The following CENPP variants were observed in gnomAD, a reference collection of about 807,000 sequenced individuals.
CENPP encodes centromere protein P.
Under a neutral mutation model 35.6 loss-of-function variants are expected in CENPP, and 24 were observed. The observed-to-expected ratio is 0.67, with a 90% CI of 0.49 to 0.95. CENPP has a LOEUF of 0.95. Ranked by LOEUF, CENPP falls within the 40% of genes least tolerant of loss-of-function variation. The pLI, the probability that CENPP is intolerant of heterozygous loss-of-function variation, is 0.00. For missense variants in CENPP, 332 were observed against 345.3 expected, an observed-to-expected ratio of 0.96 and a Z score of 0.31; for synonymous variants, 120 against 125.5, an observed-to-expected ratio of 0.96 and a Z score of 0.29.
chr9:92,496,170 G>T, intron 5 of CENPP: 1 of 1,362,774 alleles, frequency 7.3e-7, no homozygotes, highest in Non-Finnish European at 9.4e-7. Flanking sequence ...TATTTTGGTT[G>T]TTCATCTGTG....
chr9:92,327,849 TA>T (rs916092962), intron 1 of CENPP, among the ~76,000 whole-genome samples: 6 of 152,320 alleles, frequency 3.9e-5, no homozygotes, highest in African/African-American at 1.4e-4. Context: ...CTTTTAAAGG[TA>T]GGGGGTATGT....
chr9:92,351,667 G>T (rs1055045897), intron 4 of CENPP, among the ~76,000 whole-genome samples: 1 of 152,018 alleles, frequency 6.6e-6, no homozygotes, highest in Non-Finnish European at 1.5e-5. Context: ...GTCTCGCTCT[G>T]TCGCCCAGGC....
At chr9:92,517,868 C>G in intron 5 of CENPP, 1 of 1,613,866 alleles carries the variant, frequency 6.2e-7, no homozygotes, top group Non-Finnish European at 8.5e-7. Flanking sequence ...AACAGTGTCC[C>G]TTCTTTCCTA....
intron 5 of CENPP, among the ~76,000 whole-genome samples, chr9:92,578,265 T>G (rs1850333335): frequency 6.6e-6 from 1 of 152,138 alleles, no homozygotes; most frequent in African/African-American, 2.4e-5. Context: ...AACATACGTG[T>G]GCATGTGTCT....
chr9:92,556,021 G>A (rs181993312), intron 5 of CENPP, among the ~76,000 whole-genome samples: 3 of 152,146 alleles, frequency 2.0e-5, no homozygotes, highest in African/African-American at 4.8e-5. Context: ...TGATGTGGGC[G>A]TTTAGGGCTA....
chr9:92,525,653 G>A (rs1181079654), intron 5 of CENPP, among the ~76,000 whole-genome samples: 1 of 152,110 alleles, frequency 6.6e-6, no homozygotes, highest in African/African-American at 2.4e-5. Context: ...CACTTTGGGA[G>A]GCCAAGGTGG....
At chr9:92,404,840 A>C (rs1450719696) in intron 5 of CENPP, 2 of 259,202 alleles carry the variant, frequency 7.7e-6, no homozygotes, top group African/African-American at 4.7e-5. Context: ...AGTTTATGAA[A>C]AATGATATAG....
intron 5 of CENPP, among the ~76,000 whole-genome samples, chr9:92,421,515 G>A (rs1843793843): frequency 1.3e-5 from 2 of 152,256 alleles, no homozygotes; most frequent in Admixed American, 1.3e-4. Flanking sequence ...CCAAAGGGCA[G>A]TGTTCAGAGC....
At chr9:92,422,054 CTT>C (rs58510878) in intron 5 of CENPP, among the ~76,000 whole-genome samples, 3 of 146,160 alleles carry the variant, frequency 2.1e-5, no homozygotes, top group Admixed American at 6.8e-5. Flanking sequence ...AACATATTAA[CTT>C]TTTTTTTTTT....
intron 5 of CENPP, among the ~76,000 whole-genome samples, chr9:92,586,688 A>AT (rs531866635): frequency 0.042 from 6,261 of 148,360 alleles, 163 homozygotes; most frequent in Middle Eastern, 0.079. Context: ...TGGGAGAATC[A>AT]TTTTTTTTTT....
chr9:92,603,901 G>A (rs1005236070), intron 5 of CENPP, among the ~76,000 whole-genome samples: 4 of 152,128 alleles, frequency 2.6e-5, no homozygotes, highest in African/African-American at 4.8e-5. Flanking sequence ...GTGTGTTCTG[G>A]CCCTGCCCTG....
intron 5 of CENPP, among the ~76,000 whole-genome samples, chr9:92,526,653 A>G (rs1848430320): frequency 6.6e-6 from 1 of 152,000 alleles, no homozygotes; most frequent in Non-Finnish European, 1.5e-5. Flanking sequence ...TAAAAAAATC[A>G]AGAAGCCTTT....
intron 5 of CENPP, among the ~76,000 whole-genome samples, chr9:92,436,739 C>G (rs1054044944): frequency 6.6e-6 from 1 of 152,096 alleles, no homozygotes; most frequent in African/African-American, 2.4e-5. Context: ...TTTATTTATA[C>G]GTCTGTCTTC....
intron 5 of CENPP, chr9:92,514,575 G>T: frequency 6.6e-7 from 1 of 1,524,026 alleles, no homozygotes; most frequent in Non-Finnish European, 8.8e-7. Context: ...GTGCCCAGCT[G>T]CTAAGAGTCA....
chr9:92,369,563 C>T (rs1378860429), intron 4 of CENPP, among the ~76,000 whole-genome samples: 3 of 152,138 alleles, frequency 2.0e-5, no homozygotes, highest in Admixed American at 2.0e-4. Flanking sequence ...TGGTAGATTG[C>T]TTTAGACAAT....
chr9:92,327,361 A>C (rs4743871), intron 1 of CENPP, among the ~76,000 whole-genome samples: 1 of 152,166 alleles, frequency 6.6e-6, no homozygotes, highest in African/African-American at 2.4e-5. Flanking sequence ...GCATAGTCTC[A>C]GGCAAAGCAG....
intron 5 of CENPP, chr9:92,522,435 G>C (rs1006171945): frequency 4.2e-5 from 42 of 996,918 alleles, no homozygotes; most frequent in Middle Eastern, 4.6e-4. Flanking sequence ...AAACCAAAAA[G>C]TAATATAATA....
At chr9:92,506,352 T>C (rs1316422575) in intron 5 of CENPP, among the ~76,000 whole-genome samples, 2 of 152,162 alleles carry the variant, frequency 1.3e-5, no homozygotes, top group East Asian at 1.9e-4. Context: ...TGCATTCAGA[T>C]TGAACTAGCA....
intron 5 of CENPP, chr9:92,466,578 C>T: frequency 1.2e-6 from 2 of 1,610,092 alleles, no homozygotes; most frequent in Non-Finnish European, 1.7e-6. Context: ...GACCCTTGAT[C>T]AAGCATAGAA....
Sources: allele counts gnomAD v4.1 joint callset (sites outside exome capture counted in the v4.1 genomes callset), GRCh38; gene constraint gnomAD v4.1.1; transcripts MANE v1.5; gene names NCBI Gene and HGNC (gene_info 2026-07-23, HGNC 2026-07-21).